The following CHST9 variants were observed in gnomAD, a reference collection of about 807,000 sequenced individuals.
CHST9 encodes the protein GalNAc-4-sulfotransferase 2.
CHST9 carries 41 observed loss-of-function variants against 44.4 expected under a neutral mutation model. The ratio of observed to expected loss-of-function variants is 0.92; its 90% confidence interval spans 0.72 to 1.20. The LOEUF is 1.20. Ranked by LOEUF, CHST9 falls within the 50% of genes most tolerant of loss-of-function variation. The pLI, the probability that CHST9 is intolerant of heterozygous loss-of-function variation, is 0.00. For synonymous variants in CHST9, 171 were observed against 178.4 expected, an observed-to-expected ratio of 0.96 and a Z score of 0.33; for missense variants, 504 against 516.5, an observed-to-expected ratio of 0.98 and a Z score of 0.23.
chr18:27,113,641 A>C (rs1424811941), intron 2 of CHST9, among the ~76,000 whole-genome samples: 1 of 152,142 alleles, frequency 6.6e-6, no homozygotes, highest in South Asian at 2.1e-4. Flanking sequence ...ACACAGCAAG[A>C]AGGTGCCATC....
intron 3 of CHST9, among the ~76,000 whole-genome samples, chr18:27,043,071 G>A (rs2057463029): frequency 6.6e-6 from 1 of 151,920 alleles, no homozygotes; most frequent in Non-Finnish European, 1.5e-5. Context: ...GTCTTTCTTG[G>A]ATTCAGAGAC....
At position 27,012,063 on chromosome 18, in the gene CHST9, C is replaced by T. The variant is rs1345443700; in HGVS notation, c.202+12053G>A. 2.6e-5 allele frequency among the ~76,000 whole-genome samples: 4 copies of T among 152,174 alleles called. No homozygotes were observed. The South Asian group carries it at 8.3e-4, about 32-fold the overall frequency. On this transcript the variant is annotated intron_variant, in intron 4 of 5. Coordinates refer to ENST00000618847, the MANE Select transcript of CHST9 (RefSeq NM_031422.6). ...TACATGATACTGGGGAAAGGGGAGG[C>T]GTGCATCTGCCCAGACTCTGATGCC... is the stretch of plus-strand genomic sequence containing the variant.
rs147089701 is a variant in CHST9, at chr18:27,134,799, A to C, written c.121+7890T>G. Among the ~76,000 whole-genome samples the C allele has an allele frequency of 5.7e-3, 871 of 152,318 alleles. 12 individuals carry two copies. The highest frequency in any genetic ancestry group is 0.02 in the African/African-American group (825 of 41,558). On this transcript the variant is annotated intron_variant, in intron 2 of 5. Coordinates refer to ENST00000618847, the MANE Select transcript of CHST9 (RefSeq NM_031422.6). ...TGTTAATGCTGAATCCTAAATTCAGACATTGTACTTATTTGACATAAATCA... is the reference window on the plus strand; with the variant it reads ...TGTTAATGCTGAATCCTAAATTCAGCCATTGTACTTATTTGACATAAATCA...
chr18:27,023,703 T>C (rs1033891841), intron 4 of CHST9, among the ~76,000 whole-genome samples: 2 of 152,250 alleles, frequency 1.3e-5, no homozygotes, highest in African/African-American at 4.8e-5. Flanking sequence ...ATTAGCAGTA[T>C]CTGAATTAAT....
At chr18:27,068,357 T>C (rs1438236489) in intron 2 of CHST9, among the ~76,000 whole-genome samples, 1 of 152,194 alleles carries the variant, frequency 6.6e-6, no homozygotes, top group African/African-American at 2.4e-5. Context: ...ACATTTAAGA[T>C]GTACTTGAGG....
chr18:27,172,954 C>T (rs1213177603), intron 1 of CHST9, among the ~76,000 whole-genome samples: 1 of 151,974 alleles, frequency 6.6e-6, no homozygotes, highest in Non-Finnish European at 1.5e-5. Context: ...CACATATCTG[C>T]AGGAGCCCTA....
intron 2 of CHST9, among the ~76,000 whole-genome samples, chr18:27,052,091 C>A (rs899090949): frequency 6.6e-6 from 1 of 151,866 alleles, no homozygotes; most frequent in Non-Finnish European, 1.5e-5. Flanking sequence ...TTTATGAAGA[C>A]CTCGAACAAT....
intron 5 of CHST9, among the ~76,000 whole-genome samples, chr18:26,927,950 T>C (rs1408078243): frequency 6.6e-6 from 1 of 151,894 alleles, no homozygotes; most frequent in Non-Finnish European, 1.5e-5. Flanking sequence ...CCTTCCGTGG[T>C]GTTTTATTTC....
chr18:27,113,246 T>TC (rs1236722300), intron 2 of CHST9, among the ~76,000 whole-genome samples: 2 of 151,680 alleles, frequency 1.3e-5, no homozygotes, highest in Non-Finnish European at 2.9e-5. Context: ...ACATAACCTA[T>TC]CATCTTCCCA....
chr18:26,922,588 C>T (rs1052982840), intron 5 of CHST9, among the ~76,000 whole-genome samples: 14 of 152,066 alleles, frequency 9.2e-5, no homozygotes, highest in Admixed American at 7.9e-4. Context: ...GTGGAATGTT[C>T]ATTAAGTCTG....
At chr18:27,029,330 T>C (rs558594898) in intron 3 of CHST9, among the ~76,000 whole-genome samples, 1 of 152,286 alleles carries the variant, frequency 6.6e-6, no homozygotes, top group East Asian at 1.9e-4. Context: ...CAAATTTTGC[T>C]AATAGAACTG....
intron 5 of CHST9, among the ~76,000 whole-genome samples, chr18:26,933,979 G>A (rs1393783038): frequency 1.3e-5 from 2 of 152,222 alleles, no homozygotes; most frequent in Admixed American, 1.3e-4. Flanking sequence ...AGGGCTGGAA[G>A]CAGAGCGTTT....
At chr18:27,109,237 T>C (rs1275973770) in intron 2 of CHST9, among the ~76,000 whole-genome samples, 3 of 152,012 alleles carry the variant, frequency 2.0e-5, no homozygotes, top group Non-Finnish European at 2.9e-5. Flanking sequence ...TCCAGCCACC[T>C]GGGAGCTGGC....
intron 1 of CHST9, among the ~76,000 whole-genome samples, chr18:27,145,785 T>C (rs910982019): frequency 6.6e-6 from 1 of 152,202 alleles, no homozygotes; most frequent in Admixed American, 6.5e-5. Flanking sequence ...TCCAAACATA[T>C]GTAACAAAGA....
In CHST9 at chr18:27,149,080, C is replaced by A. The variant is rs1377765885; in HGVS notation, c.-96-6175G>T. Among the ~76,000 whole-genome samples, 2 of 128,908 alleles carry A rather than the reference C, an allele frequency of 1.6e-5. 1 individual carries two copies. Among genetic ancestry groups the A allele is most frequent in the African/African-American group, 5.5e-5 (2 of 36,142 alleles). 84.6% of individuals were successfully genotyped at this position (128,908 alleles called of 152,430 possible). ...TCCTTTGAGAAGTGTCTGTTCATATCCTTCACCCACTTTTTGATGGGGTTG... is the reference window on the plus strand; with the variant it reads ...TCCTTTGAGAAGTGTCTGTTCATATACTTCACCCACTTTTTGATGGGGTTG... On this transcript the variant is annotated intron_variant, in intron 1 of 5. Transcript: ENST00000618847.
At position 26,949,799 on chromosome 18, in the gene CHST9, T is replaced by A. The variant is rs2056218717; in HGVS notation, c.203-5433A>T. Among the ~76,000 whole-genome samples the A allele has an allele frequency of 2.0e-5, 3 of 151,962 alleles. 1 individual carries two copies. In the South Asian group the frequency reaches 6.2e-4, roughly 32 times the overall value. Reference sequence around the variant, plus strand: ...GACACAGCCAGTGTAATCATAAGAGTCCTTATAATAAAGGGGCAGGAGAGT... The same window carrying A: ...GACACAGCCAGTGTAATCATAAGAGACCTTATAATAAAGGGGCAGGAGAGT... On this transcript the variant is annotated intron_variant, in intron 4 of 5. Transcript: ENST00000618847.
chr18:26,931,914 G>C (rs1321023283), intron 5 of CHST9, among the ~76,000 whole-genome samples: 1 of 151,874 alleles, frequency 6.6e-6, no homozygotes, highest in Non-Finnish European at 1.5e-5. Context: ...ATCCAGTCTT[G>C]TCCAGCTCCA....
intron 4 of CHST9, among the ~76,000 whole-genome samples, chr18:26,961,015 G>A (rs576022957): frequency 2.0e-5 from 3 of 152,148 alleles, no homozygotes; most frequent in Non-Finnish European, 4.4e-5. Flanking sequence ...CAGCAACATC[G>A]ATACATTCTT....
At chr18:27,090,578 A>C (rs1422681905) in intron 2 of CHST9, among the ~76,000 whole-genome samples, 2 of 152,174 alleles carry the variant, frequency 1.3e-5, no homozygotes, top group African/African-American at 4.8e-5. Flanking sequence ...TTATGGATTT[A>C]GGTCTAACAT....
Sources: gnomAD v4.1 joint callset for allele counts (sites outside exome capture counted in the v4.1 genomes callset) on GRCh38, gnomAD v4.1.1 for gene constraint, MANE v1.5 for transcripts, NCBI Gene and HGNC (gene_info 2026-07-23, HGNC 2026-07-21) for gene names.